MAP2K5: variants seen among roughly 807,000 people sequenced by gnomAD.
MAP2K5 encodes the protein dual specificity mitogen-activated protein kinase kinase 5.
A neutral mutation model predicts 83.1 loss-of-function variants in MAP2K5; 49 were observed. The ratio of observed to expected loss-of-function variants is 0.59; its 90% CI spans 0.47 to 0.75. The LOEUF (loss-of-function observed/expected upper bound fraction) is 0.75, where lower values mean the gene tolerates loss of function less well. Among genes scored for constraint, MAP2K5 ranks in the 30% least tolerant of loss-of-function variants. The pLI is 0.00. For synonymous variants in MAP2K5, 202 were observed against 191.8 expected (o/e 1.05, Z -0.44); for missense variants, 457 against 557.5 (o/e 0.82, Z 1.82).
rs1159547856 is a variant in MAP2K5 at position 67,668,514 on chromosome 15, G to A, written c.847+3869G>A. 6.6e-6 allele frequency among the ~76,000 whole-genome samples: 1 copy of A among 152,090 alleles called. No homozygotes were observed. Among genetic ancestry groups the A allele is most frequent in the Middle Eastern group, 3.2e-3 (1 of 316 alleles). On this transcript the variant is annotated intron_variant, in intron 13 of 21. Coordinates refer to ENST00000178640, the MANE Select transcript of MAP2K5 (RefSeq NM_145160.3). The surrounding 1 kb of genome is among the most constrained non-coding windows in gnomAD (Gnocchi z 4.0). The stretch of plus-strand genomic sequence containing the variant: ...TGAGAAAATCTGTTAGGCCAGATCC[G>A]ACATTACAGGAAACATCGCAGCTTC...
intron 17 of MAP2K5, among the ~76,000 whole-genome samples, chr15:67,740,748 C>T (rs990193274): frequency 2.0e-5 from 3 of 152,152 alleles, no homozygotes; most frequent in Non-Finnish European, 2.9e-5. Flanking sequence ...GAATGCATGG[C>T]CTGGCGTGGT....
intron 19 of MAP2K5, among the ~76,000 whole-genome samples, chr15:67,751,029 T>C (rs983946685): frequency 6.6e-6 from 1 of 152,084 alleles, no homozygotes; most frequent in African/African-American, 2.4e-5. Context: ...GCTTAACCTG[T>C]TATGGCCTGG....
intron 7 of MAP2K5, 64 bp from the exon 8 acceptor site, chr15:67,600,621 C>A: frequency 7.4e-7 from 1 of 1,358,866 alleles, no homozygotes. Flanking sequence ...CCCAGAGTTG[C>A]TTTTCCTTGA....
chr15:67,717,499 C>CTGACATGAGTGTCAGAGAA lies in MAP2K5; in HGVS notation c.1045-10417_1045-10416insTGACATGAGTGTCAGAGAA, dbSNP rs2088855427. ...TGCAATGGAAACATGTAGAACTGGG[C>CTGACATGAGTGTCAGAGAA]ACATGAGAGTGTGGGCTGACATGAG... On this transcript the variant is annotated intron_variant, in intron 16 of 21. Transcript: ENST00000178640. The surrounding 1 kb of genome is among the most constrained non-coding windows in gnomAD (Gnocchi z 4.1). Among the ~76,000 whole-genome samples the CTGACATGAGTGTCAGAGAA allele has an allele frequency of 6.6e-6, 1 of 152,132 alleles. No homozygotes were observed. Among genetic ancestry groups the CTGACATGAGTGTCAGAGAA allele is most frequent in the South Asian group, 2.1e-4 (1 of 4,828 alleles).
chr15:67,544,486 C>T (rs919125143), intron 1 of MAP2K5, among the ~76,000 whole-genome samples: 5 of 152,126 alleles, frequency 3.3e-5, no homozygotes, highest in Admixed American at 1.3e-4. Flanking sequence ...AATGGCTTTT[C>T]CAAAGCTGTG....
intron 16 of MAP2K5, among the ~76,000 whole-genome samples, chr15:67,705,848 G>A (rs2141218880): frequency 6.6e-6 from 1 of 152,324 alleles, no homozygotes; most frequent in South Asian, 2.1e-4. Context: ...AAGCTCAAAG[G>A]CACCAAGATA....
rs927540624 is a variant in MAP2K5 at position 67,802,860 on chromosome 15, T to C, written c.1243-3786T>C. Among the ~76,000 whole-genome samples the C allele has an allele frequency of 2.0e-5, 3 of 152,154 alleles. No homozygotes were observed. The highest frequency in any genetic ancestry group is 6.5e-5 in the Admixed American group (1 of 15,282). On this transcript the variant is annotated intron_variant, in intron 21 of 21. Coordinates refer to ENST00000178640, the MANE Select transcript of MAP2K5 (RefSeq NM_145160.3). This position sits in a 1 kb window ranked among gnomAD's most constrained non-coding sequence, Gnocchi z 5.0. ...TCTGGATTCCTCTGCCTGGGAGGGATGTACATTTCACCCAAGCCCAGGGGA... is the reference window on the plus strand; with the variant it reads ...TCTGGATTCCTCTGCCTGGGAGGGACGTACATTTCACCCAAGCCCAGGGGA...
At position 67,565,134 on chromosome 15, in the gene MAP2K5, G is replaced by T. The variant is rs2140968463; in HGVS notation, c.252+1784G>T. On this transcript the variant is annotated intron_variant, in intron 3 of 21. Transcript: ENST00000178640. This position sits in a 1 kb window ranked among gnomAD's most constrained non-coding sequence, Gnocchi z 4.1. ...AATGTGAATATGGAATTTAAGTTCA[G>T]TTTCTTTTCATGCCCAAGCTGTTGC... Among the ~76,000 whole-genome samples, 1 of 152,236 alleles carries T rather than the reference G, an allele frequency of 6.6e-6. No homozygotes were observed. Among genetic ancestry groups the T allele is most frequent in the African/African-American group, 2.4e-5 (1 of 41,544 alleles).
In MAP2K5 at chr15:67,755,118, G is replaced by C. The variant is rs746624609; in HGVS notation, c.1134+6517G>C. Among the ~76,000 whole-genome samples the C allele has an allele frequency of 6.6e-6, 1 of 152,106 alleles. No individual in the cohort carries two copies. The highest frequency in any genetic ancestry group is 6.5e-5 in the Admixed American group (1 of 15,276). ...GCCTCCCAAGTAACTAGGATTACAG[G>C]TGTGCACCACCACGCCCAGCTAATT... On this transcript the variant is annotated intron_variant, in intron 19 of 21. Coordinates refer to ENST00000178640, the MANE Select transcript of MAP2K5 (RefSeq NM_145160.3). This position sits in a 1 kb window ranked among gnomAD's most constrained non-coding sequence, Gnocchi z 4.7.
chr15:67,549,070 G>A (rs1180235418), intron 1 of MAP2K5: 17 of 1,526,646 alleles, frequency 1.1e-5, no homozygotes, highest in African/African-American at 2.7e-5. Context: ...TACTGCGAGC[G>A]GCTTTGTCAG....
chr15:67,595,423 G>T (rs1255729934), intron 7 of MAP2K5, among the ~76,000 whole-genome samples: 2 of 152,090 alleles, frequency 1.3e-5, no homozygotes, highest in African/African-American at 4.8e-5. Context: ...TTATTGCTTC[G>T]ATTTGTGAAG....
chr15:67,586,716 A>C, intron 5 of MAP2K5, 130 bp from the exon 6 acceptor site: 3 of 793,242 alleles, frequency 3.8e-6, no homozygotes, highest in Admixed American at 1.7e-5. Flanking sequence ...ATAGACTCCA[A>C]CTGTGGGTTT....
rs11631864 is a variant in MAP2K5, at chr15:67,775,424, T to C, written c.1242+2672T>C. On this transcript the variant is annotated intron_variant, in intron 21 of 21. Transcript: ENST00000178640. The surrounding 1 kb of genome is among the most constrained non-coding windows in gnomAD (Gnocchi z 5.3). ...TTTCAGCTGCTGTGGTTTTCTGGCA[T>C]GTAGCCATGAAGCTACATCAGAAGT... Among the ~76,000 whole-genome samples the C allele has an allele frequency of 0.33, 50,824 of 152,142 alleles. 9,556 individuals are homozygous for C. The highest frequency in any genetic ancestry group is 0.45 in the Middle Eastern group (133 of 294).
chr15:67,579,836 T>C (rs534444761), intron 3 of MAP2K5, among the ~76,000 whole-genome samples: 1 of 152,136 alleles, frequency 6.6e-6, no homozygotes, highest in South Asian at 2.1e-4. Context: ...CCTAAACATA[T>C]CGTATTTAAA....
intron 12 of MAP2K5, chr15:67,658,950 T>C (rs2087162795): frequency 2.5e-6 from 1 of 392,624 alleles, no homozygotes; most frequent in Non-Finnish European, 5.0e-6. Flanking sequence ...TAGCATATGA[T>C]TAGCAAATAC....
intron 3 of MAP2K5, among the ~76,000 whole-genome samples, chr15:67,579,226 C>A (rs1411313091): frequency 6.6e-6 from 1 of 152,066 alleles, no homozygotes; most frequent in Non-Finnish European, 1.5e-5. Context: ...CAAATAGCCA[C>A]TGGCATCTTA....
chr15:67,804,298 C>A (rs1331818507), intron 21 of MAP2K5, among the ~76,000 whole-genome samples: 1 of 152,206 alleles, frequency 6.6e-6, no homozygotes, highest in Admixed American at 6.5e-5. Flanking sequence ...CATGTCTGTC[C>A]CCTGTGATTC....
chr15:67,691,724 T>G (rs2088118855), intron 13 of MAP2K5, among the ~76,000 whole-genome samples: 1 of 152,310 alleles, frequency 6.6e-6, no homozygotes, highest in East Asian at 1.9e-4. Flanking sequence ...CTCATTGTTG[T>G]CACTGACGAT....
rs892978369 is a variant in MAP2K5 at position 67,792,745 on chromosome 15, G to A, written c.1243-13901G>A. On this transcript the variant is annotated intron_variant, in intron 21 of 21. Coordinates refer to ENST00000178640, the MANE Select transcript of MAP2K5 (RefSeq NM_145160.3). ...CTGCTCTGTGAGATATTTCTTTTCC[G>A]CCCCCCGCTTTGACCATAAATCTTA... Among the ~76,000 whole-genome samples, 46 of 151,972 alleles carry A rather than the reference G, an allele frequency of 3.0e-4. 1 individual carries two copies. The highest frequency in any genetic ancestry group is 1.1e-3 in the African/African-American group (45 of 41,340).
Sources: gnomAD v4.1 joint callset for allele counts (sites outside exome capture counted in the v4.1 genomes callset) on GRCh38, gnomAD v4.1.1 for gene constraint, Gnocchi (gnomAD v3.1) non-coding constraint, MANE v1.5 for transcripts, NCBI Gene and HGNC (gene_info 2026-07-23, HGNC 2026-07-21) for gene names.